SFRP2: variants seen among roughly 807,000 people sequenced by gnomAD.
SFRP2 encodes the protein secreted frizzled related protein 2, also known as secreted frizzled-related protein 2.
Under a neutral mutation model 26.0 loss-of-function variants are expected in SFRP2, and 16 were observed. The observed-to-expected ratio is 0.61, with a 90% CI of 0.42 to 0.93. The LOEUF (loss-of-function observed/expected upper bound fraction) is 0.93. Ranked by LOEUF, SFRP2 falls within the 40% of genes least tolerant of loss-of-function variation. The pLI, the probability that SFRP2 is intolerant of heterozygous loss-of-function variation, is 0.00. For missense variants in SFRP2, 343 were observed against 392.4 expected (o/e 0.87, Z 1.06); for synonymous variants, 173 against 167.3 (o/e 1.03, Z -0.26).
In SFRP2 at chr4:153,788,778, C is replaced by T. The variant is rs1233522473; in HGVS notation, c.58G>A (p.Gly20Ser). The T allele has an allele frequency of 6.2e-7, 1 of 1,610,296 alleles. No individual in the cohort carries two copies. The highest frequency in any genetic ancestry group is 8.5e-7 in the Non-Finnish European group (1 of 1,179,916). Residue 20 changes from glycine to serine, a missense_variant, in exon 1 of 3, where the codon GGC becomes AGC. Physicochemically the swap from Gly to Ser is moderately conservative, Grantham distance 56. Coordinates refer to ENST00000274063, the MANE Select transcript of SFRP2 (RefSeq NM_003013.3). ...AAGAGGAAGAGCCCGCGCGCCGAGC[C>T]CAGGCAGCAGTGCGAGGCGAGGAAG... ...LLFLASHCCL[G>S]SARGLFLFGQ...
intron 1 of SFRP2, among the ~76,000 whole-genome samples, chr4:153,788,076 GTTTGT>G (rs1005745392): frequency 2.8e-4 from 42 of 152,278 alleles, no homozygotes; most frequent in African/African-American, 9.6e-4. Flanking sequence ...GTTTTTGTTT[GTTTGT>G]TTTATTTTTA....
At chr4:153,787,493 AT>A (rs1741229790) in intron 1 of SFRP2, among the ~76,000 whole-genome samples, 1 of 152,202 alleles carries the variant, frequency 6.6e-6, no homozygotes, top group Admixed American at 6.5e-5. Context: ...GCTCAGAGGC[AT>A]TGTATATGTT....
At chr4:153,786,021 G>GTTGTTTACAAACAACCTTTACAAACA in intron 1 of SFRP2, 77 bp from the exon 2 acceptor site, 2 of 791,444 alleles carry the variant, frequency 2.5e-6, no homozygotes. Context: ...CAACTCAAAG[G>GTTGTTTACAAACAACCTTTACAAACA]GACTTATCCA....
At position 153,788,619 on chromosome 4, in the gene SFRP2, G is replaced by T. The variant is rs772645804; in HGVS notation, c.217C>A (p.Leu73Met). ...LLGHETMKEV[L>M]EQAGAWIPLV... ...GGGATCCAAGCGCCGGCCTGCTCCA[G>T]CACCTCCTTCATGGTCTCGTGGCCC... Residue 73 changes from leucine (L) to methionine (M), a missense_variant, in exon 1 of 3, where the codon CTG (leucine) becomes ATG (methionine). Coordinates refer to ENST00000274063, the MANE Select transcript of SFRP2 (RefSeq NM_003013.3). 2 of 1,614,084 alleles carry T rather than the reference G, an allele frequency of 1.2e-6. No homozygotes were observed. The highest frequency in any genetic ancestry group is 1.7e-6 in the Non-Finnish European group (2 of 1,180,048).
At position 153,788,673 on chromosome 4, in the gene SFRP2, A is replaced by G. The variant is rs1313004211; in HGVS notation, c.163T>C (p.Tyr55His). Residue 55 changes from tyrosine (Y) to histidine (H), a missense_variant, in exon 1 of 3, where the codon TAC becomes CAC. This residue lies in a region of SFRP2 where 251 missense variants were observed against 253.3 expected (regional missense o/e 0.99). Coordinates refer to ENST00000274063, the MANE Select transcript of SFRP2 (RefSeq NM_003013.3). Reference protein sequence around the residue: ...ANLQLCHGIEYQNMRLPNLLG... With the variant: ...ANLQLCHGIEHQNMRLPNLLG... ...AGGTTGGGCAGCCGCATGTTCTGGT[A>G]TTCGATGCCGTGGCACAGCTGCAGG... The G allele has an allele frequency of 6.2e-7, 1 of 1,614,100 alleles. No individual in the cohort carries two copies.
At position 153,788,467 on chromosome 4, in the gene SFRP2, G is replaced by T; in HGVS notation, c.369C>A (p.Asp123Glu). Residue 123 changes from aspartate to glutamate, a missense_variant, in exon 1 of 3, where the codon GAC becomes GAA. By Grantham distance (45) the Asp-to-Glu change is conservative. Around this residue, in one of 2 missense-constraint regions of SFRP2, gnomAD observed 251 missense variants for 253.3 expected, o/e 0.99. Coordinates refer to ENST00000274063, the MANE Select transcript of SFRP2 (RefSeq NM_003013.3). ...PCHSLCVQVK[D>E]RCAPVMSAFG... is the part of the protein sequence containing the mutation. ...AGGCGGACATGACCGGGGCGCAGCG[G>T]TCCTTCACCTGCACGCAGAGCGAGT... 1 of 1,614,214 alleles carries T rather than the reference G, an allele frequency of 6.2e-7. No homozygotes were observed. Among genetic ancestry groups the T allele is most frequent in the Non-Finnish European group, 8.5e-7 (1 of 1,180,040 alleles).
In SFRP2 at chr4:153,785,989, A is replaced by G. The variant is rs772223712; in HGVS notation, c.503-45T>C. The G allele has an allele frequency of 1.1e-5, 14 of 1,283,444 alleles. 1 individual carries two copies. In the South Asian group the frequency reaches 1.6e-4, roughly 15 times the overall value. The allele number at this position is 1,283,444 out of a possible 1,614,324, so 79.5% of individuals were successfully genotyped here. ...TCTTTAGTAAGTTTGCTTAAAAGAG[A>G]ACAGTAGGTGGCGTTTGTAAACAAC... On this transcript the variant is annotated intron_variant, in intron 1 of 2. Transcript: ENST00000274063.
At chr4:153,782,969 T>C (rs1190782178) in intron 2 of SFRP2, among the ~76,000 whole-genome samples, 1 of 150,886 alleles carries the variant, frequency 6.6e-6, no homozygotes, top group East Asian at 2.0e-4. Context: ...CGTACAACTG[T>C]TTTTGAGATT....
intron 1 of SFRP2, 85 bp from the exon 2 acceptor site, chr4:153,786,029 C>CAAACAGACAAA: frequency 1.4e-6 from 1 of 720,426 alleles, no homozygotes; most frequent in East Asian, 3.1e-5. Context: ...AGGGACTTAT[C>CAAACAGACAAA]CAGACAAAAG....
At chr4:153,787,110 T>C (rs1409959166) in intron 1 of SFRP2, among the ~76,000 whole-genome samples, 1 of 152,204 alleles carries the variant, frequency 6.6e-6, no homozygotes, top group Non-Finnish European at 1.5e-5. Flanking sequence ...GTAATGTTGC[T>C]GCTGATAGTG....
chr4:153,788,306 G>T, intron 1 of SFRP2, 28 bp downstream of exon 1: 2 of 1,598,698 alleles, frequency 1.3e-6, no homozygotes, highest in South Asian at 2.2e-5. Flanking sequence ...GCCCAGCAGG[G>T]AGTGGGGAAG....
chr4:153,785,679 A>G (rs1741192485), intron 2 of SFRP2, among the ~76,000 whole-genome samples, 185 bp downstream of exon 2: 1 of 152,206 alleles, frequency 6.6e-6, no homozygotes, highest in Admixed American at 6.5e-5. Flanking sequence ...ATACAACTCA[A>G]TGCTAGACAG....
rs781288672 is a variant in SFRP2, at chr4:153,788,439, C to G, written c.397G>C (p.Gly133Arg). 1.2e-6 allele frequency: 2 copies of G among 1,614,126 alleles called. No homozygotes were observed. The highest frequency in any genetic ancestry group is 1.3e-5 in the African/African-American group (1 of 75,042). The change falls in exon 1 of 3, where the codon GGC (glycine) becomes CGC (arginine). Residue 133 changes from glycine (G) to arginine (R), a missense_variant. Physicochemically the swap from Gly to Arg is moderately radical, Grantham distance 125 (BLOSUM62 -2). Around this residue, in one of 2 missense-constraint regions of SFRP2, gnomAD observed 251 missense variants for 253.3 expected, o/e 0.99. Coordinates refer to ENST00000274063, the MANE Select transcript of SFRP2 (RefSeq NM_003013.3). ...TCAAGCATGTCGGGCCAGGGGAAGCCGAAGGCGGACATGACCGGGGCGCAG... is the reference window on the plus strand; with the variant it reads ...TCAAGCATGTCGGGCCAGGGGAAGCGGAAGGCGGACATGACCGGGGCGCAG... ...DRCAPVMSAF[G>R]FPWPDMLECD... is the part of the protein sequence containing the mutation.
intron 1 of SFRP2, among the ~76,000 whole-genome samples, chr4:153,787,099 C>T (rs1046419407): frequency 3.9e-5 from 6 of 152,140 alleles, no homozygotes; most frequent in African/African-American, 7.2e-5. Flanking sequence ...ATGTAAGATG[C>T]GTAATGTTGC....
intron 2 of SFRP2, among the ~76,000 whole-genome samples, chr4:153,785,552 G>T (rs369025081): frequency 2.4e-3 from 1 of 420 alleles, no homozygotes; most frequent in Admixed American, 0.05. Flanking sequence ...TATGCCTGTC[G>T]GCAAAAAAAA....
chr4:153,788,352 G>A lies in SFRP2; in HGVS notation c.484C>T (p.Leu162=). 1 of 1,610,864 alleles carries A rather than the reference G, an allele frequency of 6.2e-7. No individual in the cohort carries two copies. The highest frequency in any genetic ancestry group is 8.5e-7 in the Non-Finnish European group (1 of 1,177,938). ...GGCTTACCTTCCTCGGTGGCTGGCA[G>A]GAGGTGGTCGCTGCTAGCGAGGGGG... ...CIPLASSDHL[L]PATEEAPKVC... The change falls in exon 1 of 3, where the codon CTG becomes TTG. Residue 162 remains leucine (L), a synonymous_variant. Transcript: ENST00000274063.
At chr4:153,787,450 A>C (rs779262854) in intron 1 of SFRP2, among the ~76,000 whole-genome samples, 1 of 152,220 alleles carries the variant, frequency 6.6e-6, no homozygotes, top group Non-Finnish European at 1.5e-5. Flanking sequence ...GGGATTAGGA[A>C]GCTCCCTTTT....
Position 153,781,128 on chromosome 4 carries a change from C to A in SFRP2, c.*323G>T. The A allele has an allele frequency of 3.8e-6, 1 of 262,012 alleles. No homozygotes were observed. The allele number at this position is 262,012 out of a possible 1,614,324, so 16.2% of individuals were successfully genotyped here. ...ACAACAAACAACAACCAACCAGACC[C>A]AAGTCACAGTTGCACCTATTCAAAA... On this transcript the variant is annotated 3_prime_UTR_variant, in exon 3 of 3. Coordinates refer to ENST00000274063, the MANE Select transcript of SFRP2 (RefSeq NM_003013.3).
In SFRP2 at chr4:153,789,054, C is replaced by CG. The variant is rs563121525; in HGVS notation, c.-220dup. 1.9e-3 allele frequency: 957 copies of CG among 510,918 alleles called. 8 individuals are homozygous for CG. The highest frequency in any genetic ancestry group is 0.017 in the African/African-American group (858 of 49,056). 31.6% of individuals were successfully genotyped at this position (510,918 alleles called of 1,614,324 possible). A position where few individuals can be genotyped will look rare whatever the true frequency, so the allele number is the denominator to read the frequency against. The stretch of plus-strand genomic sequence containing the variant: ...CGCGCAGCTCCGGGGGGCTCCGACC[C>CG]GGGGGAGCAGAATGAGCCGTTGCTG... On this transcript the variant is annotated 5_prime_UTR_variant, in exon 1 of 3. Transcript: ENST00000274063.
Sources: allele counts gnomAD v4.1 joint callset (sites outside exome capture counted in the v4.1 genomes callset), GRCh38; gene constraint gnomAD v4.1.1; regional missense constraint gnomAD v4.1.1; transcripts MANE v1.5; gene names NCBI Gene and HGNC (gene_info 2026-07-23, HGNC 2026-07-21).